TP73: variants seen among roughly 807,000 people sequenced by gnomAD.
TP73 encodes p53-like transcription factor.
Under a neutral mutation model 62.5 loss-of-function variants are expected in TP73, and 25 were observed. The ratio of observed to expected loss-of-function variants is 0.40; its 90% confidence interval spans 0.29 to 0.56. TP73 has a LOEUF of 0.56. TP73 is among the 20% of genes least tolerant of loss of function. The pLI, the probability that TP73 is intolerant of heterozygous loss-of-function variation, is 0.46. For synonymous variants in TP73, 423 were observed against 377.5 expected (o/e 1.12, Z -1.40); for missense variants, 754 against 913.3 (o/e 0.83, Z 2.25).
At chr1:3,726,165 T>C (rs1394059824) in intron 6 of TP73, among the ~76,000 whole-genome samples, 2 of 118,206 alleles carry the variant, frequency 1.7e-5, no homozygotes, top group Admixed American at 9.4e-5. Flanking sequence ...GATGGTTGGA[T>C]GGATGGATAG....
chr1:3,690,218 C>A (rs1252766105), intron 3 of TP73, among the ~76,000 whole-genome samples: 4 of 152,238 alleles, frequency 2.6e-5, no homozygotes, highest in South Asian at 4.1e-4. Flanking sequence ...ACTCCCGTCA[C>A]CTGTCTCCCT....
rs1642139333 is a variant in TP73 at position 3,731,530 on chromosome 1, T to C, written c.1552T>C (p.Tyr518His). 1.2e-6 allele frequency: 2 copies of C among 1,613,854 alleles called. No individual in the cohort carries two copies. Among genetic ancestry groups the C allele is most frequent in the South Asian group, 2.2e-5 (2 of 91,088 alleles). The stretch of plus-strand genomic sequence containing the variant: ...CACCTCCCAAGGGTTACAGAGCATT[T>C]ACCACCTGCAGAACCTGACCATTGA... ...YFTSQGLQSIYHLQNLTIEDL... is the reference protein window; with the variant it reads ...YFTSQGLQSIHHLQNLTIEDL... The change falls in exon 13 of 14, where the codon TAC (tyrosine) becomes CAC (histidine). Residue 518 changes from tyrosine (Y) to histidine (H), a missense_variant. Coordinates refer to ENST00000378295, the MANE Select transcript of TP73 (RefSeq NM_005427.4).
At chr1:3,731,188 C>T (rs1276925814) in intron 12 of TP73, 123 bp downstream of exon 12, 1 of 1,388,538 alleles carries the variant, frequency 7.2e-7, no homozygotes, top group East Asian at 2.5e-5. Context: ...CTGGATCAGA[C>T]AGGCGGGCGG....
At chr1:3,654,915 A>G (rs984641136) in intron 1 of TP73, among the ~76,000 whole-genome samples, 1 of 152,240 alleles carries the variant, frequency 6.6e-6, no homozygotes, top group African/African-American at 2.4e-5. Flanking sequence ...GCACGGCTAA[A>G]GTGGAGAGAA....
At position 3,707,599 on chromosome 1, in the gene TP73, G is replaced by A. The variant is rs200362286; in HGVS notation, c.237G>A (p.Ala79=). The change falls in exon 4 of 14, where the codon GCG becomes GCA. Residue 79 remains alanine, a synonymous_variant. Transcript: ENST00000378295. The part of the protein sequence containing the change: ...SSTMDQMSSR[A]ASASPYTPEH... ...CCATGGACCAGATGAGCAGCCGCGC[G>A]GCCTCGGCCAGCCCCTACACCCCAG... 92 of 1,612,440 alleles carry A rather than the reference G, an allele frequency of 5.7e-5. 2 individuals are homozygous for A. In the East Asian group the frequency reaches 1.6e-3, roughly 29 times the overall value.
chr1:3,736,130 G>A lies in TP73; in HGVS notation c.*3051G>A, dbSNP rs1348373960. The stretch of plus-strand genomic sequence containing the variant: ...TTTGGTAATGTAATCTTGGGAAAAT[G>A]TGTTATTTTTTTAGCTGTGTTTCAG... On this transcript the variant is annotated 3_prime_UTR_variant, in exon 14 of 14. Coordinates refer to ENST00000378295, the MANE Select transcript of TP73 (RefSeq NM_005427.4). 6.6e-6 allele frequency: 1 copy of A among 152,234 alleles called. No individual in the cohort carries two copies. Among genetic ancestry groups the A allele is most frequent in the African/African-American group, 2.4e-5 (1 of 41,464 alleles). The allele number at this position is 152,234 out of a possible 1,614,324, so 9.4% of individuals were successfully genotyped here. A position where few individuals can be genotyped will look rare whatever the true frequency, so the allele number is the denominator to read the frequency against.
intron 4 of TP73, among the ~76,000 whole-genome samples, chr1:3,718,073 C>CA (rs1640753512): frequency 6.6e-6 from 1 of 152,162 alleles, no homozygotes; most frequent in Non-Finnish European, 1.5e-5. Context: ...CTCCCTCCGC[C>CA]ACTGGCCCAG....
rs574765022 is a variant in TP73, at chr1:3,696,771, G to T, written c.187-10778G>T. Among the ~76,000 whole-genome samples, 1 of 152,122 alleles carries T rather than the reference G, an allele frequency of 6.6e-6. No homozygotes were observed. Among genetic ancestry groups the T allele is most frequent in the East Asian group, 1.9e-4 (1 of 5,176 alleles). On this transcript the variant is annotated intron_variant, in intron 3 of 13. Coordinates refer to ENST00000378295, the MANE Select transcript of TP73 (RefSeq NM_005427.4). The surrounding 1 kb of genome is among the most constrained non-coding windows in gnomAD (Gnocchi z 4.1). ...TGTGTCATGAAAGACCCCGAGCAGC[G>T]GTGGGGCTCAAGCCATGTGGGGCCA...
At position 3,731,040 on chromosome 1, in the gene TP73, T is replaced by G. The variant is rs1557591574; in HGVS notation, c.1459T>G (p.Tyr487Asp). The change falls in exon 12 of 14, where the codon TAC becomes GAC. Residue 487 changes from tyrosine (Y) to aspartate (D), a missense_variant. Transcript: ENST00000378295. ...GTCCCACTGCACTCCGCCACCCCCC[T>G]ACCACGCCGACCCCAGCCTCGTCAG... Reference protein sequence around the residue: ...SGSHCTPPPPYHADPSLVSFL... With the variant: ...SGSHCTPPPPDHADPSLVSFL... 2 of 1,611,988 alleles carry G rather than the reference T, an allele frequency of 1.2e-6. No homozygotes were observed. Among genetic ancestry groups the G allele is most frequent in the Non-Finnish European group, 1.7e-6 (2 of 1,179,572 alleles).
intron 1 of TP73, among the ~76,000 whole-genome samples, chr1:3,665,589 A>G (rs1341578429): frequency 3.3e-5 from 5 of 151,986 alleles, no homozygotes; most frequent in South Asian, 4.1e-4. Flanking sequence ...AGTGGGGTGC[A>G]TGGAAATCAT....
chr1:3,666,138 A>AAAG lies in TP73; in HGVS notation c.-34+13499_-34+13500insGAA, dbSNP rs1645107952. ...AAACTCTGTCTCAAAAAAAAAAAAA[A>AAAG]AAAAAAAAAAAAAGAGAGAGAGAGA... On this transcript the variant is annotated intron_variant, in intron 1 of 13. Coordinates refer to ENST00000378295, the MANE Select transcript of TP73 (RefSeq NM_005427.4). This position sits in a 1 kb window ranked among gnomAD's most constrained non-coding sequence, Gnocchi z 6.4. 6.7e-6 allele frequency among the ~76,000 whole-genome samples: 1 copy of AAAG among 149,086 alleles called. No individual in the cohort carries two copies. Among genetic ancestry groups the AAAG allele is most frequent in the African/African-American group, 2.5e-5 (1 of 40,574 alleles).
At position 3,682,335 on chromosome 1, in the gene TP73, C is replaced by T. The variant is rs5031052; in HGVS notation, c.-31C>T. The T allele has an allele frequency of 0.014, 20,404 of 1,490,382 alleles. 182 individuals carry two copies. The highest frequency in any genetic ancestry group is 0.016 in the Non-Finnish European group (17,781 of 1,109,032). The allele number at this position is 1,490,382 out of a possible 1,614,324, so 92.3% of individuals were successfully genotyped here. On this transcript the variant is annotated splice_region_variant and 5_prime_UTR_variant, in exon 2 of 14. An upstream open reading frame in the 5' UTR gains an earlier in-frame stop. Transcript: ENST00000378295. The stretch of plus-strand genomic sequence containing the variant: ...GTGTCATTCCTTCCTTCCTGCAGAG[C>T]GAGCTGCCCTCGGAGGCCGGCGTGG...
At chr1:3,653,124 G>T (rs1198254484) in intron 1 of TP73, among the ~76,000 whole-genome samples, 1 of 152,262 alleles carries the variant, frequency 6.6e-6, no homozygotes, top group African/African-American at 2.4e-5. Flanking sequence ...AGGAGCCAGG[G>T]CCAGGCCCCC....
chr1:3,734,450 A>G lies in TP73; in HGVS notation c.*1371A>G, dbSNP rs1474879275. ...CCCTTCATTGCAGGCAGGTGGGCCAATGGGAGCCCTCACCCACGCAAGCCG... is the reference window on the plus strand; with the variant it reads ...CCCTTCATTGCAGGCAGGTGGGCCAGTGGGAGCCCTCACCCACGCAAGCCG... On this transcript the variant is annotated 3_prime_UTR_variant, in exon 14 of 14. Coordinates refer to ENST00000378295, the MANE Select transcript of TP73 (RefSeq NM_005427.4). This position sits in a 1 kb window ranked among gnomAD's most constrained non-coding sequence, Gnocchi z 4.4. 2.0e-5 allele frequency: 3 copies of G among 152,196 alleles called. No individual in the cohort carries two copies. Among genetic ancestry groups the G allele is most frequent in the African/African-American group, 7.2e-5 (3 of 41,420 alleles). The allele number at this position is 152,196 out of a possible 1,614,324, so 9.4% of individuals were successfully genotyped here.
chr1:3,725,081 G>C (rs1329940921), intron 6 of TP73, among the ~76,000 whole-genome samples: 1 of 152,168 alleles, frequency 6.6e-6, no homozygotes. Flanking sequence ...TGGGAAACAG[G>C]AGTGTGCTGG....
intron 4 of TP73, 91 bp downstream of exon 4, chr1:3,707,882 C>G: frequency 6.7e-7 from 1 of 1,500,448 alleles, no homozygotes; most frequent in Non-Finnish European, 8.9e-7. Flanking sequence ...GAGGTCTGAG[C>G]TCGCCCCACT....
intron 6 of TP73, among the ~76,000 whole-genome samples, chr1:3,724,944 G>T (rs770614185): frequency 6.6e-6 from 1 of 152,298 alleles, no homozygotes; most frequent in East Asian, 1.9e-4. Flanking sequence ...GCTTGAACCC[G>T]GGAGGCAGAA....
intron 1 of TP73, among the ~76,000 whole-genome samples, chr1:3,658,471 T>A (rs981836903): frequency 6.6e-6 from 1 of 152,122 alleles, no homozygotes. Flanking sequence ...GGCCTGGGCT[T>A]CTGGGGAGCG....
intron 3 of TP73, among the ~76,000 whole-genome samples, chr1:3,684,148 C>G (rs1645589774): frequency 6.6e-6 from 1 of 152,234 alleles, no homozygotes; most frequent in Non-Finnish European, 1.5e-5. Flanking sequence ...AGATCCCGAC[C>G]TGGGAGGCCC....
Sources: allele counts gnomAD v4.1 joint callset (sites outside exome capture counted in the v4.1 genomes callset), GRCh38; gene constraint gnomAD v4.1.1; non-coding constraint Gnocchi (gnomAD v3.1); transcripts MANE v1.5; gene names NCBI Gene and HGNC (gene_info 2026-07-23, HGNC 2026-07-21).